The following PRKN variants were observed in gnomAD, a reference collection of about 807,000 sequenced individuals.
PRKN encodes parkin RBR E3 ubiquitin protein ligase, also known as E3 ubiquitin-protein ligase parkin.
In PRKN, 56 loss-of-function variants were observed where a neutral mutation model predicts 59.5. That is an observed-to-expected ratio of 0.94 (90% CI 0.76 to 1.18). The LOEUF is 1.18. Among genes scored for constraint, PRKN ranks in the 50% most tolerant of loss-of-function variants. The probability of loss-of-function intolerance (pLI) is 0.00; values close to 1 mark genes in which losing one functional copy is unlikely to be tolerated. For missense variants in PRKN, 657 were observed against 596.4 expected (o/e 1.10, Z -1.06); for synonymous variants, 250 against 222.1 (o/e 1.13, Z -1.12).
At position 162,209,973 on chromosome 6, in the gene PRKN, G is replaced by C. The variant is rs1261079931; in HGVS notation, c.413-8721C>G. On this transcript the variant is annotated intron_variant, in intron 3 of 11. Coordinates refer to ENST00000366898, the MANE Select transcript of PRKN (RefSeq NM_004562.3). ...GGCCTGTTGTGGGATGGGGAGAGGG[G>C]GGAGGGATAGCATTAGGAGAAATAC... is the stretch of plus-strand genomic sequence containing the variant. 2.0e-5 allele frequency among the ~76,000 whole-genome samples: 3 copies of C among 152,058 alleles called. No individual in the cohort carries two copies. In the East Asian group the frequency reaches 5.8e-4, roughly 29 times the overall value.
intron 4 of PRKN, among the ~76,000 whole-genome samples, chr6:162,082,187 G>C (rs1275201373): frequency 1.3e-5 from 2 of 151,964 alleles, no homozygotes; most frequent in Non-Finnish European, 2.9e-5. Context: ...ATATTCTCTT[G>C]AAAGTGAATG....
intron 5 of PRKN, among the ~76,000 whole-genome samples, chr6:162,016,051 A>T (rs1012392034): frequency 6.6e-6 from 1 of 152,164 alleles, no homozygotes; most frequent in Non-Finnish European, 1.5e-5. Flanking sequence ...TCCATCTGGC[A>T]TTTCAAATTT....
chr6:161,509,061 C>G (rs1451757072), intron 9 of PRKN, among the ~76,000 whole-genome samples: 1 of 152,130 alleles, frequency 6.6e-6, no homozygotes, highest in African/African-American at 2.4e-5. Flanking sequence ...TCAGGCTAGT[C>G]TCGAACTCCT....
intron 2 of PRKN, among the ~76,000 whole-genome samples, chr6:162,300,560 T>G (rs1426408948): frequency 6.6e-6 from 1 of 152,144 alleles, no homozygotes; most frequent in Non-Finnish European, 1.5e-5. Context: ...CTGGATACTT[T>G]TCAAGTTTTC....
At chr6:161,858,688 T>C (rs1325706842) in intron 6 of PRKN, among the ~76,000 whole-genome samples, 1 of 151,484 alleles carries the variant, frequency 6.6e-6, no homozygotes, top group African/African-American at 2.4e-5. Flanking sequence ...CCGTTGGCGG[T>C]GAGAATCCTT....
chr6:162,426,664 G>A (rs1175329303), intron 2 of PRKN, among the ~76,000 whole-genome samples: 1 of 152,078 alleles, frequency 6.6e-6, no homozygotes, highest in African/African-American at 2.4e-5. Context: ...CCAGGCTGGT[G>A]TTAAACTCCT....
In PRKN at chr6:161,393,039, G is replaced by C. The variant is rs1786587151; in HGVS notation, c.1084-6162C>G. Among the ~76,000 whole-genome samples the C allele has an allele frequency of 6.6e-6, 1 of 152,092 alleles. No homozygotes were observed. Among genetic ancestry groups the C allele is most frequent in the South Asian group, 2.1e-4 (1 of 4,824 alleles). ...TTAGAAGTGAACCCTTTGAGGTAGA[G>C]AGACCCGGAGTCTGAGGCCTCTTGG... On this transcript the variant is annotated intron_variant, in intron 9 of 11. Transcript: ENST00000366898. The surrounding 1 kb of genome is among the most constrained non-coding windows in gnomAD (Gnocchi z 4.7).
rs570095295 is a variant in PRKN at position 161,373,773 on chromosome 6, T to C, written c.1167+13021A>G. Among the ~76,000 whole-genome samples the C allele has an allele frequency of 6.8e-4, 104 of 152,160 alleles. No homozygotes were observed. Among genetic ancestry groups the C allele is most frequent in the Non-Finnish European group, 1.3e-3 (90 of 68,040 alleles). ...CACACATGGTCAACATGCTTTTCTG[T>C]GGAGTGACAATATTTTGTCCCCCCT... On this transcript the variant is annotated intron_variant, in intron 10 of 11. Coordinates refer to ENST00000366898, the MANE Select transcript of PRKN (RefSeq NM_004562.3). This position sits in a 1 kb window ranked among gnomAD's most constrained non-coding sequence, Gnocchi z 4.8.
At chr6:161,809,085 C>T (rs1464603500) in intron 6 of PRKN, among the ~76,000 whole-genome samples, 1 of 152,184 alleles carries the variant, frequency 6.6e-6, no homozygotes, top group Non-Finnish European at 1.5e-5. Flanking sequence ...AGGCAGTCCG[C>T]CCACCTCAGC....
intron 6 of PRKN, among the ~76,000 whole-genome samples, chr6:161,855,769 C>T (rs1248791144): frequency 6.6e-6 from 1 of 151,930 alleles, no homozygotes; most frequent in Non-Finnish European, 1.5e-5. Context: ...ATCTTGTTAC[C>T]CAACTGGATA....
intron 1 of PRKN, among the ~76,000 whole-genome samples, chr6:162,502,800 CAA>C (rs1428250051): frequency 6.6e-6 from 1 of 151,980 alleles, no homozygotes; most frequent in Non-Finnish European, 1.5e-5. Context: ...ATAAGATACT[CAA>C]GAGTCTAAAT....
intron 9 of PRKN, among the ~76,000 whole-genome samples, chr6:161,389,621 C>G (rs1338548010): frequency 6.6e-6 from 1 of 152,162 alleles, no homozygotes; most frequent in Non-Finnish European, 1.5e-5. Context: ...AAACATTTAT[C>G]TGTTAATACT....
At position 161,622,441 on chromosome 6, in the gene PRKN, C is replaced by T. The variant is rs1782941421; in HGVS notation, c.872-53025G>A. Among the ~76,000 whole-genome samples the T allele has an allele frequency of 2.0e-5, 3 of 152,132 alleles. No homozygotes were observed. In the East Asian group the frequency reaches 5.8e-4, roughly 29 times the overall value. On this transcript the variant is annotated intron_variant, in intron 7 of 11. Coordinates refer to ENST00000366898, the MANE Select transcript of PRKN (RefSeq NM_004562.3). ...CCTAAAGGAGGTTCTGGGAGCTGTG[C>T]CCAGGCATTCTCTACCTGAAGCCAC... is the stretch of plus-strand genomic sequence containing the variant.
At chr6:161,886,201 T>A (rs1181146345) in intron 6 of PRKN, among the ~76,000 whole-genome samples, 2 of 152,232 alleles carry the variant, frequency 1.3e-5, no homozygotes, top group Non-Finnish European at 2.9e-5. Context: ...TAACTTAAAA[T>A]GATAAATGAT....
intron 4 of PRKN, among the ~76,000 whole-genome samples, chr6:162,172,930 T>C (rs559419661): frequency 2.0e-5 from 3 of 151,782 alleles, no homozygotes; most frequent in African/African-American, 7.3e-5. Flanking sequence ...CGTGTGGGAG[T>C]GTAGAGTGCA....
chr6:162,303,034 G>A (rs1782038136), intron 2 of PRKN, among the ~76,000 whole-genome samples: 1 of 150,014 alleles, frequency 6.7e-6, no homozygotes, highest in Non-Finnish European at 1.5e-5. Context: ...GCAGTTACGT[G>A]ACTTTTGGAA....
intron 7 of PRKN, among the ~76,000 whole-genome samples, chr6:161,611,361 C>T (rs1038131128): frequency 1.3e-5 from 2 of 152,190 alleles, no homozygotes; most frequent in Admixed American, 6.5e-5. Context: ...GCAGTTTTTA[C>T]GCATTGAAGG....
At chr6:161,648,535 G>A (rs1306112740) in intron 7 of PRKN, among the ~76,000 whole-genome samples, 1 of 152,128 alleles carries the variant, frequency 6.6e-6, no homozygotes, top group Non-Finnish European at 1.5e-5. Context: ...TGCCAATGTG[G>A]ATTCTCATAA....
At position 161,497,321 on chromosome 6, in the gene PRKN, G is replaced by C. The variant is rs573986723; in HGVS notation, c.1083+51533C>G. 6.6e-6 allele frequency among the ~76,000 whole-genome samples: 1 copy of C among 152,252 alleles called. No homozygotes were observed. The highest frequency in any genetic ancestry group is 2.1e-4 in the South Asian group (1 of 4,820). ...TGGAGGACAGGGTGTCCCCACTACA[G>C]GAAGAAAGAGAGACATCATCATTCA... On this transcript the variant is annotated intron_variant, in intron 9 of 11. Transcript: ENST00000366898. This position sits in a 1 kb window ranked among gnomAD's most constrained non-coding sequence, Gnocchi z 4.6.
Sources: allele counts gnomAD v4.1 joint callset (sites outside exome capture counted in the v4.1 genomes callset), GRCh38; gene constraint gnomAD v4.1.1; non-coding constraint Gnocchi (gnomAD v3.1); transcripts MANE v1.5; gene names NCBI Gene and HGNC (gene_info 2026-07-23, HGNC 2026-07-21).